ASTN2: variants seen among roughly 807,000 people sequenced by gnomAD.
ASTN2 encodes the protein astrotactin-2.
Under a neutral mutation model 139.8 loss-of-function variants are expected in ASTN2, and 54 were observed. The observed-to-expected ratio is 0.39, with a 90% CI of 0.31 to 0.48. The LOEUF (loss-of-function observed/expected upper bound fraction) is 0.48. ASTN2 is among the 20% of genes least tolerant of loss of function. The probability of loss-of-function intolerance (pLI) is 0.95; values close to 1 mark genes in which losing one functional copy is unlikely to be tolerated. For missense variants in ASTN2, 1,565 were observed against 1,725.1 expected, an observed-to-expected ratio of 0.91 and a Z score of 1.64; for synonymous variants, 756 against 719.5, an observed-to-expected ratio of 1.05 and a Z score of -0.81.
At chr9:117,229,313 C>T (rs1832815997) in intron 2 of ASTN2, among the ~76,000 whole-genome samples, 1 of 152,196 alleles carries the variant, frequency 6.6e-6, no homozygotes, top group African/African-American at 2.4e-5. Flanking sequence ...ATCTTGCTGT[C>T]ACACACAGGA....
chr9:117,197,645 T>C (rs1453984162), intron 3 of ASTN2, among the ~76,000 whole-genome samples: 1 of 152,222 alleles, frequency 6.6e-6, no homozygotes, highest in African/African-American at 2.4e-5. Flanking sequence ...GTATGTATGT[T>C]ATGGCTATAT....
intron 3 of ASTN2, among the ~76,000 whole-genome samples, chr9:117,169,817 G>T (rs1341128173): frequency 6.6e-6 from 1 of 152,134 alleles, no homozygotes; most frequent in African/African-American, 2.4e-5. Context: ...CCAGTGAAGG[G>T]AGGGAGTTCC....
Position 116,820,744 on chromosome 9 carries a change from A to C in ASTN2, c.2080T>G (p.Cys694Gly). The C allele has an allele frequency of 6.2e-7, 1 of 1,614,152 alleles. No homozygotes were observed. Among genetic ancestry groups the C allele is most frequent in the Non-Finnish European group, 8.5e-7 (1 of 1,179,996 alleles). Reference sequence around the variant, plus strand: ...TCAATGCCTTTGGAGTGGTCGTAGCAGCCAGAGCCATCCTTCATGGGTTTC... The same window carrying C: ...TCAATGCCTTTGGAGTGGTCGTAGCCGCCAGAGCCATCCTTCATGGGTTTC... ...ELKPMKDGSGCYDHSKGIDCS... is the reference protein window; with the variant it reads ...ELKPMKDGSGGYDHSKGIDCS... The change falls in exon 12 of 23, where the codon TGC becomes GGC. Residue 694 changes from cysteine (C) to glycine (G), a missense_variant. Coordinates refer to ENST00000313400, the MANE Select transcript of ASTN2 (RefSeq NM_001365068.1).
intron 1 of ASTN2, among the ~76,000 whole-genome samples, chr9:117,413,350 G>C (rs1012204279): frequency 1.3e-5 from 2 of 152,206 alleles, no homozygotes; most frequent in African/African-American, 2.4e-5. Context: ...GCCCGAGGCG[G>C]ATCCCGCCGA....
intron 7 of ASTN2, among the ~76,000 whole-genome samples, chr9:117,003,018 G>A (rs1837235864): frequency 6.6e-6 from 1 of 152,096 alleles, no homozygotes; most frequent in East Asian, 1.9e-4. Flanking sequence ...CCATTAAAAG[G>A]AAAAAGACAT....
At chr9:117,293,822 G>A (rs181923021) in intron 1 of ASTN2, among the ~76,000 whole-genome samples, 4 of 152,216 alleles carry the variant, frequency 2.6e-5, no homozygotes, top group Admixed American at 6.5e-5. Flanking sequence ...GAGGTCCAGG[G>A]AACCCAGGGC....
intron 20 of ASTN2, among the ~76,000 whole-genome samples, chr9:116,448,337 G>T (rs1848070530): frequency 6.7e-6 from 1 of 148,870 alleles, no homozygotes; most frequent in Non-Finnish European, 1.5e-5. Context: ...GACAGGGGCA[G>T]TAGGAAAAGC....
intron 2 of ASTN2, among the ~76,000 whole-genome samples, chr9:117,236,853 A>G (rs1481607738): frequency 6.6e-6 from 1 of 152,246 alleles, no homozygotes; most frequent in African/African-American, 2.4e-5. Flanking sequence ...AGTCCTAGTT[A>G]TAGCGTCTAA....
intron 4 of ASTN2, among the ~76,000 whole-genome samples, chr9:117,136,366 A>G (rs1342175131): frequency 6.6e-6 from 1 of 152,206 alleles, no homozygotes; most frequent in Non-Finnish European, 1.5e-5. Context: ...ACTTAAACTA[A>G]AATAAACATG....
rs927177935 is a variant in ASTN2 at position 117,071,269 on chromosome 9, C to A, written c.1276+24775G>T. Among the ~76,000 whole-genome samples the A allele has an allele frequency of 7.6e-3, 1,146 of 151,126 alleles. 23 individuals carry two copies. Among genetic ancestry groups the A allele is most frequent in the African/African-American group, 0.026 (1,068 of 41,228 alleles). ...CTGCAGGTCTGTTGGAATACCCTGC[C>A]GTGTGAGGTGTCAGTGTGCCCCTGC... On this transcript the variant is annotated intron_variant, in intron 5 of 22. Coordinates refer to ENST00000313400, the MANE Select transcript of ASTN2 (RefSeq NM_001365068.1).
In ASTN2 at chr9:116,631,733, T is replaced by C. The variant is rs565161517; in HGVS notation, c.3073-11290A>G. Among the ~76,000 whole-genome samples, 8 of 152,256 alleles carry C rather than the reference T, an allele frequency of 5.3e-5. No homozygotes were observed. In the East Asian group the frequency reaches 1.5e-3, roughly 29 times the overall value. The stretch of plus-strand genomic sequence containing the variant: ...AAGAGAAGAATTAGAATGTTCCCAA[T>C]GTAAAAAAGGAAAAAAGATAAATGT... On this transcript the variant is annotated intron_variant, in intron 17 of 22. Coordinates refer to ENST00000313400, the MANE Select transcript of ASTN2 (RefSeq NM_001365068.1).
chr9:117,058,217 G>A (rs1020604171), intron 5 of ASTN2, among the ~76,000 whole-genome samples: 1 of 152,164 alleles, frequency 6.6e-6, no homozygotes, highest in Non-Finnish European at 1.5e-5. Context: ...AATGGACAGA[G>A]GCTTTAACCA....
chr9:116,833,770 C>CA (rs762031728), intron 11 of ASTN2, among the ~76,000 whole-genome samples: 7 of 152,130 alleles, frequency 4.6e-5, no homozygotes, highest in Non-Finnish European at 1.0e-4. Context: ...TATGTCCCCA[C>CA]AAAGATTTGT....
chr9:116,607,245 AGTGAACTGAAC>A (rs1855254220), intron 19 of ASTN2, among the ~76,000 whole-genome samples: 1 of 152,364 alleles, frequency 6.6e-6, no homozygotes, highest in South Asian at 2.1e-4. Context: ...AATTCAGTTC[AGTGAACTGAAC>A]ATCCATGTAT....
At chr9:117,074,739 A>G (rs189226126) in intron 5 of ASTN2, among the ~76,000 whole-genome samples, 3 of 152,178 alleles carry the variant, frequency 2.0e-5, no homozygotes, top group African/African-American at 7.2e-5. Flanking sequence ...ACCTCTTTCA[A>G]TCCTAACTAT....
intron 19 of ASTN2, among the ~76,000 whole-genome samples, chr9:116,598,857 T>C (rs1854722485): frequency 6.6e-6 from 1 of 152,218 alleles, no homozygotes; most frequent in Admixed American, 6.5e-5. Flanking sequence ...GCTAGGAGTC[T>C]TGTGGGGCAC....
intron 13 of ASTN2, among the ~76,000 whole-genome samples, chr9:116,772,020 G>A (rs758434796): frequency 7.9e-5 from 12 of 152,274 alleles, no homozygotes; most frequent in South Asian, 6.2e-4. Context: ...CTGATTGCCT[G>A]GCAGCCATGC....
chr9:116,466,717 C>A (rs1228897843), intron 20 of ASTN2, among the ~76,000 whole-genome samples: 1 of 152,064 alleles, frequency 6.6e-6, no homozygotes, highest in Non-Finnish European at 1.5e-5. Flanking sequence ...TTTGAGCATA[C>A]CCTTAGAGAA....
chr9:117,144,916 CA>C (rs1830160319), intron 3 of ASTN2, among the ~76,000 whole-genome samples: 1 of 151,884 alleles, frequency 6.6e-6, no homozygotes, highest in Non-Finnish European at 1.5e-5. Flanking sequence ...CTCCTGACCA[CA>C]AGTGATTGGC....
Sources: gnomAD v4.1 joint callset for allele counts (sites outside exome capture counted in the v4.1 genomes callset) on GRCh38, gnomAD v4.1.1 for gene constraint, MANE v1.5 for transcripts, NCBI Gene and HGNC (gene_info 2026-07-23, HGNC 2026-07-21) for gene names.